The following GSN variants were observed in gnomAD, a reference collection of about 807,000 sequenced individuals.
GSN encodes the protein gelsolin.
A neutral mutation model predicts 85.7 loss-of-function variants in GSN; 56 were observed. The observed-to-expected ratio is 0.65, with a 90% CI of 0.53 to 0.82. The LOEUF is 0.82. Among genes scored for constraint, GSN ranks in the 40% least tolerant of loss-of-function variants. GSN has a pLI of 0.00. For missense variants in GSN, 857 were observed against 979.8 expected (o/e 0.87, Z 1.67); for synonymous variants, 373 against 399.1 (o/e 0.93, Z 0.78).
Position 121,332,494 on chromosome 9 carries a change from T to G in GSN, c.2087T>G (p.Val696Gly), listed in dbSNP as rs1158855311. The G allele has an allele frequency of 2.5e-6, 4 of 1,614,066 alleles. No homozygotes were observed. The highest frequency in any genetic ancestry group is 3.4e-6 in the Non-Finnish European group (4 of 1,179,944). ...GATCGGCGGACGCCCATCACCGTGGTGAAGCAAGGCTTTGAGCCTCCCTCC... is the reference window on the plus strand; with the variant it reads ...GATCGGCGGACGCCCATCACCGTGGGGAAGCAAGGCTTTGAGCCTCCCTCC... ...NRDRRTPITV[V>G]KQGFEPPSFV... is the part of the protein sequence containing the mutation. Residue 696 changes from valine to glycine, a missense_variant, in exon 18 of 18, where the codon GTG becomes GGG. Coordinates refer to ENST00000432226, the MANE Select transcript of GSN (RefSeq NM_198252.3). The surrounding 1 kb of genome is among the most constrained non-coding windows in gnomAD (Gnocchi z 4.8).
intron 1 of GSN, among the ~76,000 whole-genome samples, chr9:121,276,307 A>G (rs2056661164): frequency 6.6e-6 from 1 of 152,220 alleles, no homozygotes; most frequent in Non-Finnish European, 1.5e-5. Flanking sequence ...TGCTTTGGTA[A>G]GAAGCCCTAG....
At chr9:121,294,150 G>A (rs4837832) in intron 2 of GSN, among the ~76,000 whole-genome samples, 57,483 of 152,018 alleles carry the variant, frequency 0.38, 13,553 homozygotes, top group East Asian at 0.62. Context: ...TTGGGTTGGG[G>A]CATTGTAGAC....
intron 10 of GSN, among the ~76,000 whole-genome samples, chr9:121,319,181 G>A (rs1220134943): frequency 6.6e-6 from 1 of 152,218 alleles, no homozygotes; most frequent in Non-Finnish European, 1.5e-5. Context: ...GACACAGGAA[G>A]CAGTGGGGGT....
chr9:121,237,362 G>A (rs1172279210), intron 5 of GSN, among the ~76,000 whole-genome samples: 1 of 152,160 alleles, frequency 6.6e-6, no homozygotes, highest in Non-Finnish European at 1.5e-5. Context: ...AGGGGTTCAA[G>A]ACCAGCTTAG....
intron 16 of GSN, among the ~76,000 whole-genome samples, chr9:121,330,308 C>T (rs373072745): frequency 6.6e-6 from 1 of 152,176 alleles, no homozygotes; most frequent in Non-Finnish European, 1.5e-5. Context: ...CATGTTGGCT[C>T]ACACTTGTAA....
At chr9:121,320,267 G>A (rs1332827278) in intron 10 of GSN, among the ~76,000 whole-genome samples, 1 of 152,188 alleles carries the variant, frequency 6.6e-6, no homozygotes, top group Non-Finnish European at 1.5e-5. Context: ...AAAAAGCAGT[G>A]TCACCAGAAC....
At chr9:121,204,196 T>C (rs2053847896), upstream of GSN, among the ~76,000 whole-genome samples, 2 of 152,250 alleles carry the variant, frequency 1.3e-5, no homozygotes, top group African/African-American at 4.8e-5. Flanking sequence ...CACATCCGCA[T>C]GAAGTCAGTA....
At chr9:121,297,934 G>C (rs541151474) in intron 2 of GSN, 32 of 152,324 alleles carry the variant, frequency 2.1e-4, no homozygotes, top group African/African-American at 6.7e-4. Flanking sequence ...ACTGGTTTAT[G>C]CTTCCATTAA....
intron 2 of GSN, among the ~76,000 whole-genome samples, chr9:121,297,611 A>G (rs1274421125): frequency 6.6e-6 from 1 of 152,194 alleles, no homozygotes; most frequent in East Asian, 1.9e-4. Flanking sequence ...GAGATATACT[A>G]TAGCCATTGT....
intron 3 of GSN, among the ~76,000 whole-genome samples, chr9:121,302,436 G>A (rs1321583889): frequency 6.6e-6 from 1 of 152,194 alleles, no homozygotes; most frequent in Non-Finnish European, 1.5e-5. Flanking sequence ...TCACAGGAAT[G>A]TTGTGAGCGT....
chr9:121,268,058 T>C (rs2055308952), upstream of GSN: 1 of 151,324 alleles, frequency 6.6e-6, no homozygotes. Flanking sequence ...GGCCTGGCGC[T>C]CCTCCCCCAC....
At chr9:121,249,993 G>T (rs1027717901) in intron 6 of GSN, among the ~76,000 whole-genome samples, 3 of 152,272 alleles carry the variant, frequency 2.0e-5, no homozygotes, top group South Asian at 2.1e-4. Context: ...AAGAAAGAGG[G>T]CTGTGTGGTT....
At chr9:121,274,050 C>T (rs2056354207) in intron 1 of GSN, among the ~76,000 whole-genome samples, 1 of 152,186 alleles carries the variant, frequency 6.6e-6, no homozygotes, top group South Asian at 2.1e-4. Flanking sequence ...TCTACTGAGT[C>T]TCTCTCTCCT....
Position 121,317,230 on chromosome 9 carries a change from A to G in GSN, c.886+12A>G, listed in dbSNP as rs201952723. The G allele has an allele frequency of 2.5e-6, 4 of 1,613,964 alleles. No individual in the cohort carries two copies. The highest frequency in any genetic ancestry group is 1.6e-4 in the Middle Eastern group (1 of 6,062). Reference sequence around the variant, plus strand: ...CTTTGTCTGGAAAGGTACTGGAGACAGGGAAAGGGTCCCAACTGGCCTGTA... The same window carrying G: ...CTTTGTCTGGAAAGGTACTGGAGACGGGGAAAGGGTCCCAACTGGCCTGTA... On this transcript the variant is annotated intron_variant, in intron 8 of 17. Transcript: ENST00000432226.
chr9:121,205,777 T>C (rs113464468), upstream of GSN, among the ~76,000 whole-genome samples: 105 of 152,246 alleles, frequency 6.9e-4, 1 homozygote, highest in African/African-American at 1.5e-3. Flanking sequence ...CTGCTTGTAT[T>C]TTTATAAATT....
intron 7 of GSN, 46 bp from the exon 8 acceptor site, chr9:121,317,040 G>A (rs201354585): frequency 6.2e-6 from 10 of 1,612,924 alleles, no homozygotes; most frequent in African/African-American, 2.7e-5. Context: ...AGGGCTGGGC[G>A]GCCACAGACA....
chr9:121,304,421 C>T (rs532120052), intron 4 of GSN, among the ~76,000 whole-genome samples: 8 of 152,236 alleles, frequency 5.3e-5, no homozygotes, highest in Admixed American at 2.6e-4. Context: ...AGCCAGTCCC[C>T]TGAGCTGGAG....
At chr9:121,219,779 T>C (rs186303537) in intron 4 of GSN, among the ~76,000 whole-genome samples, 80 of 152,326 alleles carry the variant, frequency 5.3e-4, no homozygotes, top group South Asian at 2.5e-3. Context: ...TTCATGAATA[T>C]TCCCCCTCTT....
intron 17 of GSN, 146 bp downstream of exon 17, chr9:121,331,594 G>C (rs1295134372): frequency 2.1e-5 from 13 of 629,556 alleles, no homozygotes; most frequent in Middle Eastern, 3.8e-4. Context: ...CTGTGGGCCA[G>C]CCCCTCATAA....
Sources: allele counts gnomAD v4.1 joint callset (sites outside exome capture counted in the v4.1 genomes callset), GRCh38; gene constraint gnomAD v4.1.1; non-coding constraint Gnocchi (gnomAD v3.1); transcripts MANE v1.5; gene names NCBI Gene and HGNC (gene_info 2026-07-23, HGNC 2026-07-21).